Variants in DPH6 observed in about 807,000 individuals in gnomAD.
DPH6 encodes diphthamine biosynthesis 6.
A neutral mutation model predicts 38.2 loss-of-function variants in DPH6; 33 were observed. The ratio of observed to expected loss-of-function variants is 0.86; its 90% CI spans 0.65 to 1.15. The LOEUF (loss-of-function observed/expected upper bound fraction) is 1.15. Ranked by LOEUF, DPH6 falls within the 50% of genes most tolerant of loss-of-function variation. The pLI is 0.00. For synonymous variants in DPH6, 108 were observed against 103.0 expected (o/e 1.05, Z -0.30); for missense variants, 325 against 320.0 (o/e 1.02, Z -0.12).
intron 3 of DPH6, among the ~76,000 whole-genome samples, chr15:35,246,041 C>T (rs979595557): frequency 1.3e-5 from 2 of 152,156 alleles, no homozygotes; most frequent in African/African-American, 4.8e-5. Flanking sequence ...GAAGCTCCCC[C>T]ACTGAGCACC....
chr15:35,400,967 T>C, intron 6 of DPH6: 1 of 1,021,440 alleles, frequency 9.8e-7, no homozygotes. Context: ...TCTAAGAAGA[T>C]TCTCAAAGAC....
intron 3 of DPH6, among the ~76,000 whole-genome samples, chr15:35,357,065 C>T (rs965557072): frequency 2.0e-5 from 3 of 152,332 alleles, no homozygotes; most frequent in East Asian, 3.9e-4. Flanking sequence ...GCTCCGTGGG[C>T]GTAGGACTCT....
At chr15:35,306,120 C>T (rs2052088938) in intron 3 of DPH6, among the ~76,000 whole-genome samples, 1 of 152,094 alleles carries the variant, frequency 6.6e-6, no homozygotes, top group African/African-American at 2.4e-5. Flanking sequence ...TGGTATTTTT[C>T]CCTTTAGTAA....
chr15:35,390,979 A>G (rs1389154759), intron 6 of DPH6, among the ~76,000 whole-genome samples: 2 of 151,768 alleles, frequency 1.3e-5, no homozygotes, highest in African/African-American at 2.4e-5. Flanking sequence ...GGTTTTGTCT[A>G]CCTTTGGTCT....
At chr15:35,366,346 T>C (rs1174171371), downstream of DPH6, among the ~76,000 whole-genome samples, 1 of 151,770 alleles carries the variant, frequency 6.6e-6, no homozygotes, top group Non-Finnish European at 1.5e-5. Flanking sequence ...TTGTGAGTAA[T>C]GTTTTCACCT....
At chr15:35,261,418 T>C (rs2051745530) in intron 3 of DPH6, among the ~76,000 whole-genome samples, 1 of 152,234 alleles carries the variant, frequency 6.6e-6, no homozygotes, top group Non-Finnish European at 1.5e-5. Context: ...TAGTTCAGGT[T>C]GAATTTAACT....
chr15:35,214,037 G>A (rs955589612), downstream of DPH6, among the ~76,000 whole-genome samples: 8 of 151,766 alleles, frequency 5.3e-5, no homozygotes, highest in Admixed American at 4.6e-4. Flanking sequence ...GCGTGAACCC[G>A]CGAGACAGAG....
intron 5 of DPH6, among the ~76,000 whole-genome samples, chr15:35,447,305 G>A (rs2053867098): frequency 6.6e-6 from 1 of 152,106 alleles, no homozygotes. Context: ...GGAGTAGCTT[G>A]GTATTTACCA....
intron 6 of DPH6, among the ~76,000 whole-genome samples, chr15:35,386,911 T>G (rs1163651246): frequency 6.6e-6 from 1 of 152,244 alleles, no homozygotes; most frequent in African/African-American, 2.4e-5. Context: ...CATGAAGTCC[T>G]TGCCCATGCC....
At chr15:35,467,450 C>T (rs1376023211) in intron 3 of DPH6, among the ~76,000 whole-genome samples, 4 of 152,172 alleles carry the variant, frequency 2.6e-5, no homozygotes, top group South Asian at 4.1e-4. Context: ...CCTGTAATCC[C>T]AGCTACACAG....
intron 3 of DPH6, among the ~76,000 whole-genome samples, chr15:35,343,450 G>T (rs560094925): frequency 3.9e-5 from 6 of 151,988 alleles, no homozygotes; most frequent in South Asian, 2.1e-4. Context: ...TATAGTTAGG[G>T]TGCATAGTTA....
downstream of DPH6, among the ~76,000 whole-genome samples, chr15:35,367,359 GAA>G (rs1350364867): frequency 6.6e-6 from 1 of 151,792 alleles, no homozygotes; most frequent in Non-Finnish European, 1.5e-5. Flanking sequence ...AAAGCTGTTA[GAA>G]AATCTAAAAC....
intron 3 of DPH6, among the ~76,000 whole-genome samples, chr15:35,345,031 C>A (rs2052450327): frequency 6.6e-6 from 1 of 151,568 alleles, no homozygotes. Context: ...TACAATTAAT[C>A]AAAGATGTTA....
At chr15:35,433,576 C>A (rs2053658566) in intron 5 of DPH6, among the ~76,000 whole-genome samples, 1 of 152,122 alleles carries the variant, frequency 6.6e-6, no homozygotes, top group South Asian at 2.1e-4. Context: ...TTACTAAATT[C>A]TTCCATTGTA....
At position 35,309,690 on chromosome 15, in the gene DPH6, T is replaced by C. The variant is rs147376601; in HGVS notation, n.200+63831A>G. 5.2e-3 allele frequency among the ~76,000 whole-genome samples: 790 copies of C among 152,332 alleles called. 4 individuals carry two copies. Among genetic ancestry groups the C allele is most frequent in the African/African-American group, 0.018 (757 of 41,576 alleles). ...CATTTCTTTGATGAAATTTCTAGAG[T>C]ATGAAATGTTGCAAAATGGAACTAA... On this transcript the variant is annotated intron_variant and non_coding_transcript_variant, in intron 3 of 3. Coordinates refer to the DPH6 transcript ENST00000560386.
chr15:35,322,089 A>ATAAG (rs2052245372), intron 3 of DPH6, among the ~76,000 whole-genome samples: 1 of 152,198 alleles, frequency 6.6e-6, no homozygotes, highest in Non-Finnish European at 1.5e-5. Flanking sequence ...CAGCTGAGTC[A>ATAAG]TAAGTCATGG....
At chr15:35,476,913 A>G (rs923445142) in intron 3 of DPH6, among the ~76,000 whole-genome samples, 7 of 151,860 alleles carry the variant, frequency 4.6e-5, no homozygotes, top group African/African-American at 1.7e-4. Context: ...CATTTTTATA[A>G]TATTTTCTTT....
intron 3 of DPH6, among the ~76,000 whole-genome samples, chr15:35,248,765 A>G (rs1240524605): frequency 2.0e-5 from 3 of 152,220 alleles, no homozygotes; most frequent in Non-Finnish European, 2.9e-5. Flanking sequence ...TCCCCACACT[A>G]TAACAAACTT....
intron 3 of DPH6, among the ~76,000 whole-genome samples, chr15:35,283,160 TC>T (rs967290940): frequency 3.5e-5 from 5 of 142,820 alleles, no homozygotes; most frequent in South Asian, 5.1e-4. Context: ...CTCTTTTCCC[TC>T]CCCCTCCCCC....
Sources: gnomAD v4.1 joint callset for allele counts (sites outside exome capture counted in the v4.1 genomes callset) on GRCh38, gnomAD v4.1.1 for gene constraint, MANE v1.5 for transcripts, NCBI Gene and HGNC (gene_info 2026-07-23, HGNC 2026-07-21) for gene names.